The following SLCO3A1 variants were observed in gnomAD, a reference collection of about 807,000 sequenced individuals.
SLCO3A1 encodes solute carrier organic anion transporter family member 3A1, also known as PGE1 transporter.
SLCO3A1 carries 27 observed loss-of-function variants against 63.1 expected under a neutral mutation model. The ratio of observed to expected loss-of-function variants is 0.43; its 90% CI spans 0.32 to 0.59. The LOEUF (loss-of-function observed/expected upper bound fraction) is 0.59, where lower values mean the gene tolerates loss of function less well. Ranked by LOEUF, SLCO3A1 falls within the 20% of genes least tolerant of loss-of-function variation. SLCO3A1 has a pLI of 0.09. For synonymous variants in SLCO3A1, 473 were observed against 409.9 expected, an observed-to-expected ratio of 1.15 and a Z score of -1.86; for missense variants, 773 against 945.8, an observed-to-expected ratio of 0.82 and a Z score of 2.40.
chr15:92,109,201 T>G (rs943045394), intron 4 of SLCO3A1, among the ~76,000 whole-genome samples: 1 of 152,174 alleles, frequency 6.6e-6, no homozygotes, highest in African/African-American at 2.4e-5. Flanking sequence ...CACTTACCAG[T>G]AAGGCAAGTG....
intron 2 of SLCO3A1, among the ~76,000 whole-genome samples, chr15:92,036,198 A>G (rs1020992074): frequency 1.3e-5 from 2 of 152,160 alleles, no homozygotes; most frequent in African/African-American, 4.8e-5. Flanking sequence ...CCCAAAGTGG[A>G]TCTTGCCTGG....
chr15:92,120,654 A>G, intron 5 of SLCO3A1, 25 bp downstream of exon 5: 4 of 1,552,804 alleles, frequency 2.6e-6, no homozygotes, highest in Admixed American at 1.7e-5. Context: ...AGGCCTCCTG[A>G]GAGGGTCGGG....
At chr15:92,043,033 A>G (rs1426206848) in intron 2 of SLCO3A1, among the ~76,000 whole-genome samples, 2 of 152,136 alleles carry the variant, frequency 1.3e-5, no homozygotes, top group African/African-American at 2.4e-5. Flanking sequence ...TTTTTTGGTG[A>G]CCTACCTTTG....
At chr15:92,059,034 G>A (rs2047054950) in intron 2 of SLCO3A1, among the ~76,000 whole-genome samples, 1 of 152,176 alleles carries the variant, frequency 6.6e-6, no homozygotes, top group Admixed American at 6.5e-5. Context: ...GCTGGCGTCA[G>A]GGTTGGAGCA....
intron 7 of SLCO3A1, among the ~76,000 whole-genome samples, chr15:92,129,137 C>G (rs1376221014): frequency 1.3e-5 from 2 of 152,214 alleles, no homozygotes; most frequent in East Asian, 3.8e-4. Flanking sequence ...GGCACCTGCC[C>G]TGTGGAGGCC....
At chr15:92,166,299 G>T (rs373419546), downstream of SLCO3A1, among the ~76,000 whole-genome samples, 5 of 152,226 alleles carry the variant, frequency 3.3e-5, no homozygotes, top group East Asian at 9.7e-4. Context: ...GTCCCCCCGA[G>T]GAGCTTGCTA....
At chr15:91,867,983 A>G (rs956023296) in intron 1 of SLCO3A1, among the ~76,000 whole-genome samples, 3 of 152,094 alleles carry the variant, frequency 2.0e-5, no homozygotes, top group African/African-American at 7.2e-5. Flanking sequence ...TGAGCATCCT[A>G]TGTCTGTGTC....
chr15:92,079,626 G>T (rs576344234), intron 2 of SLCO3A1, among the ~76,000 whole-genome samples: 1 of 152,364 alleles, frequency 6.6e-6, no homozygotes, highest in Admixed American at 6.5e-5. Flanking sequence ...ACAATCACGT[G>T]CTGAGGTTCC....
chr15:91,871,769 T>TTTG (rs1897287044), intron 1 of SLCO3A1, among the ~76,000 whole-genome samples: 1 of 146,404 alleles, frequency 6.8e-6, no homozygotes, highest in African/African-American at 2.5e-5. Flanking sequence ...TTTTTGGTTT[T>TTTG]TTTTTTTTTT....
At chr15:92,147,653 G>A (rs533693207) in intron 8 of SLCO3A1, among the ~76,000 whole-genome samples, 3 of 152,108 alleles carry the variant, frequency 2.0e-5, no homozygotes, top group East Asian at 1.9e-4. Flanking sequence ...GAGACTTGAC[G>A]GGTTATTGTG....
At chr15:91,929,865 G>A (rs1899162418) in intron 2 of SLCO3A1, among the ~76,000 whole-genome samples, 1 of 152,190 alleles carries the variant, frequency 6.6e-6, no homozygotes, top group Non-Finnish European at 1.5e-5. Context: ...CATTGGGTCA[G>A]AATTTCCTTC....
chr15:92,027,643 C>T (rs1250108514), intron 2 of SLCO3A1, among the ~76,000 whole-genome samples: 9 of 152,214 alleles, frequency 5.9e-5, no homozygotes, highest in Non-Finnish European at 1.3e-4. Flanking sequence ...TCTGGAAAGA[C>T]CCCTGGTGTG....
chr15:91,991,298 C>T (rs554392261), intron 2 of SLCO3A1, among the ~76,000 whole-genome samples: 1 of 152,236 alleles, frequency 6.6e-6, no homozygotes, highest in South Asian at 2.1e-4. Context: ...CCCAGGAGAT[C>T]TGCAGTGAGC....
At chr15:91,864,197 G>A (rs1042470900) in intron 1 of SLCO3A1, among the ~76,000 whole-genome samples, 2 of 152,176 alleles carry the variant, frequency 1.3e-5, no homozygotes, top group Non-Finnish European at 2.9e-5. Context: ...GGCCCAGGGT[G>A]GGCCTGTTTT....
At chr15:92,061,289 A>G (rs548142734) in intron 2 of SLCO3A1, among the ~76,000 whole-genome samples, 1 of 152,216 alleles carries the variant, frequency 6.6e-6, no homozygotes, top group Non-Finnish European at 1.5e-5. Flanking sequence ...AGCCCTAATA[A>G]TATTTCAGGA....
At chr15:91,988,606 G>C (rs2046085773) in intron 2 of SLCO3A1, among the ~76,000 whole-genome samples, 1 of 152,088 alleles carries the variant, frequency 6.6e-6, no homozygotes, top group Non-Finnish European at 1.5e-5. Context: ...TTTTGAACTT[G>C]AGGGGAATAA....
At chr15:92,087,056 C>CTTTTATGTT (rs912924500) in intron 2 of SLCO3A1, among the ~76,000 whole-genome samples, 2 of 151,748 alleles carry the variant, frequency 1.3e-5, no homozygotes, top group African/African-American at 4.8e-5. Context: ...TTTCTAGAAG[C>CTTTTATGTT]TTTTATGTTT....
chr15:91,971,153 C>G (rs529168957), intron 2 of SLCO3A1, among the ~76,000 whole-genome samples: 1 of 151,822 alleles, frequency 6.6e-6, no homozygotes, highest in South Asian at 2.1e-4. Flanking sequence ...CTTAGCACTT[C>G]GGGAGGCCGA....
intron 1 of SLCO3A1, among the ~76,000 whole-genome samples, chr15:91,884,511 CAAAA>C (rs776448274): frequency 9.8e-6 from 1 of 102,328 alleles, no homozygotes; most frequent in Non-Finnish European, 1.9e-5. Flanking sequence ...GATTCTGTCT[CAAAA>C]AAAAAAAAAA....
Sources: gnomAD v4.1 joint callset for allele counts (sites outside exome capture counted in the v4.1 genomes callset) on GRCh38, gnomAD v4.1.1 for gene constraint, MANE v1.5 for transcripts, NCBI Gene and HGNC (gene_info 2026-07-23, HGNC 2026-07-21) for gene names.